ZNF705G: variants seen among roughly 807,000 people sequenced by gnomAD.
ZNF705G encodes putative zinc finger protein 705G.
In ZNF705G, 23 loss-of-function variants were observed where a neutral mutation model predicts 19.6. That is an observed-to-expected ratio of 1.17 (90% CI 0.84 to 1.66). The LOEUF (loss-of-function observed/expected upper bound fraction) is 1.66, where lower values mean the gene tolerates loss of function less well. Among genes scored for constraint, ZNF705G ranks in the 40% most tolerant of loss-of-function variants. ZNF705G has a pLI of 0.00. For missense variants in ZNF705G, 457 were observed against 354.4 expected (o/e 1.29, Z -2.32); for synonymous variants, 146 against 117.7 (o/e 1.24, Z -1.56).
rs745823690 is a variant in ZNF705G at position 7,358,544 on chromosome 8, A to G, written c.335T>C (p.Leu112Pro). ...TSMTMENSLI[L>P]EDPFECNDSG... Reference sequence around the variant, plus strand: ...ATCATTACATTCAAAAGGATCCTCCAGAATGAGAGAGTTCTCCTTTGGGGC... The same window carrying G: ...ATCATTACATTCAAAAGGATCCTCCGGAATGAGAGAGTTCTCCTTTGGGGC... Residue 112 changes from leucine (L) to proline (P), a missense_variant, in exon 7 of 7, where the codon CTG (leucine) becomes CCG (proline). Physicochemically the swap from Leu to Pro is moderately conservative, Grantham distance 98. Coordinates refer to ENST00000400156, the MANE Select transcript of ZNF705G (RefSeq NM_001164457.3). The G allele has an allele frequency of 1.2e-6, 2 of 1,607,574 alleles. No homozygotes were observed. Among genetic ancestry groups the G allele is most frequent in the East Asian group, 2.2e-5 (1 of 44,848 alleles).
chr8:7,360,911 G>A (rs1806553816), intron 4 of ZNF705G, among the ~76,000 whole-genome samples, 199 bp downstream of exon 4: 1 of 149,452 alleles, frequency 6.7e-6, no homozygotes, highest in Admixed American at 6.6e-5. Context: ...TTCTAATTGA[G>A]TGACAAACTA....
intron 2 of ZNF705G, among the ~76,000 whole-genome samples, chr8:7,369,934 GTAT>G (rs1347758696): frequency 6.7e-6 from 1 of 149,090 alleles, no homozygotes; most frequent in East Asian, 1.9e-4. Flanking sequence ...TATCTATTGG[GTAT>G]TATGTTTTCT....
chr8:7,363,421 G>T (rs12544086), intron 2 of ZNF705G, among the ~76,000 whole-genome samples: 1 of 147,368 alleles, frequency 6.8e-6, no homozygotes, highest in Non-Finnish European at 1.5e-5. Flanking sequence ...CCCTAGCAAC[G>T]TTTCTCCAAC....
At chr8:7,374,309 A>ATT (rs545619092) in intron 2 of ZNF705G, among the ~76,000 whole-genome samples, 7 of 21,424 alleles carry the variant, frequency 3.3e-4, no homozygotes, top group African/African-American at 1.6e-3. Flanking sequence ...CATGGGTTTG[A>ATT]TTTTTTTAAT....
At chr8:7,385,021 G>C (rs1478916975) in intron 1 of ZNF705G, among the ~76,000 whole-genome samples, 1 of 146,876 alleles carries the variant, frequency 6.8e-6, no homozygotes, top group African/African-American at 2.7e-5. Flanking sequence ...AAAAAAGAAA[G>C]ATAATATTTT....
intron 1 of ZNF705G, among the ~76,000 whole-genome samples, chr8:7,384,336 C>T (rs1250244532): frequency 6.9e-6 from 1 of 145,604 alleles, no homozygotes; most frequent in Non-Finnish European, 1.5e-5. Flanking sequence ...CTACCCAATA[C>T]CTATCCACAC....
chr8:7,371,408 C>G (rs1235372991), intron 2 of ZNF705G, among the ~76,000 whole-genome samples: 1 of 141,222 alleles, frequency 7.1e-6, no homozygotes, highest in African/African-American at 2.8e-5. Context: ...GTGCTTACAG[C>G]TAAGAATACT....
At position 7,366,073 on chromosome 8, in the gene ZNF705G, A is replaced by C. The variant is rs536083208; in HGVS notation, c.-71-3056T>G. Among the ~76,000 whole-genome samples, 5 of 149,682 alleles carry C rather than the reference A, an allele frequency of 3.3e-5. No individual in the cohort carries two copies. The South Asian group carries it at 1.0e-3, about 31-fold the overall frequency. ...CTAGCAATGAACAAATAGAAAAGCA[A>C]AGATCACCACAGAGTAAAAGAGAAT... On this transcript the variant is annotated intron_variant, in intron 2 of 6. Coordinates refer to ENST00000400156, the MANE Select transcript of ZNF705G (RefSeq NM_001164457.3).
chr8:7,365,337 C>A (rs1354453242), intron 2 of ZNF705G, among the ~76,000 whole-genome samples: 2 of 148,540 alleles, frequency 1.3e-5, no homozygotes, highest in Admixed American at 1.3e-4. Context: ...AGATGAGAGC[C>A]TGCACAGCTT....
At position 7,382,533 on chromosome 8, in the gene ZNF705G, C is replaced by T. The variant is rs530691128; in HGVS notation, c.-221-932G>A. Among the ~76,000 whole-genome samples the T allele has an allele frequency of 2.0e-5, 3 of 146,388 alleles. No homozygotes were observed. In the East Asian group the frequency reaches 5.8e-4, roughly 28 times the overall value. ...TTCCTTTTGGAAATATAAAGAAAACCACCCTTTAAACATTTTTTATTTCTT... is the reference window on the plus strand; with the variant it reads ...TTCCTTTTGGAAATATAAAGAAAACTACCCTTTAAACATTTTTTATTTCTT... On this transcript the variant is annotated intron_variant, in intron 1 of 6. Coordinates refer to ENST00000400156, the MANE Select transcript of ZNF705G (RefSeq NM_001164457.3).
chr8:7,358,323 G>A lies in ZNF705G; in HGVS notation c.556C>T (p.His186Tyr), dbSNP rs775689799. 19 of 1,607,688 alleles carry A rather than the reference G, an allele frequency of 1.2e-5. No homozygotes were observed. The highest frequency in any genetic ancestry group is 5.0e-5 in the Admixed American group (3 of 59,926). ...LCEKAYTNCF[H>Y]LRRHKMTHTG... Reference sequence around the variant, plus strand: ...TGAGTCATCTTGTGCCGTCTAAGGTGAAAGCAATTAGTATAGGCCTTTTCA... The same window carrying A: ...TGAGTCATCTTGTGCCGTCTAAGGTAAAAGCAATTAGTATAGGCCTTTTCA... The change falls in exon 7 of 7, where the codon CAC becomes TAC. Residue 186 changes from histidine (H) to tyrosine (Y), a missense_variant. Coordinates refer to ENST00000400156, the MANE Select transcript of ZNF705G (RefSeq NM_001164457.3).
intron 2 of ZNF705G, among the ~76,000 whole-genome samples, chr8:7,380,442 A>G (rs4840742): frequency 0.63 from 91,785 of 146,218 alleles, 25,409 homozygotes; most frequent in Admixed American, 0.67. Flanking sequence ...GGAGCCTGGG[A>G]ATTAATCCAC....
Position 7,368,221 on chromosome 8 carries a change from G to C in ZNF705G, c.-71-5204C>G, listed in dbSNP as rs543061754. 2.5e-4 allele frequency among the ~76,000 whole-genome samples: 37 copies of C among 149,730 alleles called. No individual in the cohort carries two copies. The South Asian group carries it at 3.8e-3, about 15-fold the overall frequency. ...CCCTGTTCAATCTGATTGGATTTTT[G>C]AGACTACTACTAAAAACCCTCACAT... On this transcript the variant is annotated intron_variant, in intron 2 of 6. Transcript: ENST00000400156.
At chr8:7,363,508 T>G (rs3989691) in intron 2 of ZNF705G, among the ~76,000 whole-genome samples, 49,603 of 140,412 alleles carry the variant, frequency 0.35, 3,954 homozygotes, top group African/African-American at 0.46. Context: ...CCCTTGGAAC[T>G]TGGAAATAAT....
rs1807200416 is a variant in ZNF705G, at chr8:7,374,934, G to A, written c.-72+6518C>T. ...TTTACAAGAAAGAACAAATGAAAAC[G>A]AAAGATTTTTAAAATCCCTAATGTT... On this transcript the variant is annotated intron_variant, in intron 2 of 6. Transcript: ENST00000400156. Among the ~76,000 whole-genome samples, 2 of 94,254 alleles carry A rather than the reference G, an allele frequency of 2.1e-5. 1 individual carries two copies. The highest frequency in any genetic ancestry group is 6.9e-4 in the East Asian group (2 of 2,886). 61.8% of individuals were successfully genotyped at this position (94,254 alleles called of 152,430 possible).
intron 2 of ZNF705G, among the ~76,000 whole-genome samples, chr8:7,367,088 G>T (rs1386441085): frequency 6.7e-6 from 1 of 149,594 alleles, no homozygotes. Context: ...AACAAAAATG[G>T]AAAAGGCACA....
At chr8:7,382,077 G>A (rs1338468001) in intron 1 of ZNF705G, among the ~76,000 whole-genome samples, 1 of 152,064 alleles carries the variant, frequency 6.6e-6, no homozygotes, top group Non-Finnish European at 1.5e-5. Context: ...GATCTGCTGA[G>A]CTACCTGCAA....
At position 7,356,004 on chromosome 8, in the gene ZNF705G, C is replaced by G. The variant is rs1325575678; in HGVS notation, c.*1972G>C. The G allele has an allele frequency of 1.3e-5, 2 of 149,596 alleles. No individual in the cohort carries two copies. Among genetic ancestry groups the G allele is most frequent in the African/African-American group, 2.6e-5 (1 of 38,986 alleles). 9.3% of individuals were successfully genotyped at this position (149,596 alleles called of 1,614,324 possible). A position where few individuals can be genotyped will look rare whatever the true frequency, so the allele number is the denominator to read the frequency against. On this transcript the variant is annotated 3_prime_UTR_variant, in exon 7 of 7. Coordinates refer to ENST00000400156, the MANE Select transcript of ZNF705G (RefSeq NM_001164457.3). ...GCCATTTAGCCTTAGTAAGGCCGATCGTATTAAGATTGTGCCTGTTTGGCA... is the reference window on the plus strand; with the variant it reads ...GCCATTTAGCCTTAGTAAGGCCGATGGTATTAAGATTGTGCCTGTTTGGCA...
At chr8:7,358,975 G>C (rs188969890) in intron 6 of ZNF705G, among the ~76,000 whole-genome samples, 27 of 149,568 alleles carry the variant, frequency 1.8e-4, no homozygotes, top group Admixed American at 1.7e-3. Context: ...GCCCCATTTT[G>C]CCTATGTTGT....
Sources: gnomAD v4.1 joint callset for allele counts (sites outside exome capture counted in the v4.1 genomes callset) on GRCh38, gnomAD v4.1.1 for gene constraint, MANE v1.5 for transcripts, NCBI Gene and HGNC (gene_info 2026-07-23, HGNC 2026-07-21) for gene names.